Variants in PTPRD observed in about 807,000 individuals in gnomAD.
PTPRD encodes protein tyrosine phosphatase receptor type D, also known as receptor-type tyrosine-protein phosphatase delta.
In PTPRD, 34 loss-of-function variants were observed where a neutral mutation model predicts 214.5. The ratio of observed to expected loss-of-function variants is 0.16; its 90% CI spans 0.12 to 0.21. The LOEUF (loss-of-function observed/expected upper bound fraction) is 0.21, where lower values mean the gene tolerates loss of function less well. Among genes scored for constraint, PTPRD ranks in the 10% least tolerant of loss-of-function variants. The pLI, the probability that PTPRD is intolerant of heterozygous loss-of-function variation, is 1.00. For missense variants in PTPRD, 2,545 were observed against 2,398.7 expected (o/e 1.06, Z -1.27); for synonymous variants, 1,128 against 845.7 (o/e 1.33, Z -5.79).
chr9:8,899,566 T>TC (rs977999634), intron 11 of PTPRD, among the ~76,000 whole-genome samples: 1 of 151,992 alleles, frequency 6.6e-6, no homozygotes, highest in African/African-American at 2.4e-5. Context: ...CCATTTTTGC[T>TC]CCCCCCATCC....
intron 11 of PTPRD, among the ~76,000 whole-genome samples, chr9:8,777,025 G>C (rs1364392777): frequency 7.9e-6 from 1 of 126,718 alleles, no homozygotes; most frequent in African/African-American, 2.9e-5. Flanking sequence ...CTGTCACCCA[G>C]GCAGGAGTGC....
At position 8,810,552 on chromosome 9, in the gene PTPRD, A is replaced by G. The variant is rs189598574; in HGVS notation, c.-103-76606T>C. ...ACTCTTCAGCATCAGCTGAAGCCCA[A>G]TCAGTTTCTCTTGATTGGGCTTGGG... On this transcript the variant is annotated intron_variant, in intron 11 of 45. Coordinates refer to ENST00000381196, the MANE Select transcript of PTPRD (RefSeq NM_002839.4). Among the ~76,000 whole-genome samples, 1,047 of 152,254 alleles carry G rather than the reference A, an allele frequency of 6.9e-3. 7 individuals are homozygous for G. Among genetic ancestry groups the G allele is most frequent in the Admixed American group, 0.012 (181 of 15,298 alleles).
At chr9:8,473,203 C>A (rs988066891) in intron 30 of PTPRD, among the ~76,000 whole-genome samples, 3 of 152,162 alleles carry the variant, frequency 2.0e-5, no homozygotes, top group African/African-American at 7.2e-5. Context: ...GTGCCCTGAG[C>A]AACTAATCAA....
chr9:9,347,426 C>A (rs1230065138), intron 9 of PTPRD, among the ~76,000 whole-genome samples: 1 of 151,724 alleles, frequency 6.6e-6, no homozygotes, highest in Non-Finnish European at 1.5e-5. Flanking sequence ...ATAACAATTT[C>A]TGTTCCCTTC....
In PTPRD at chr9:9,470,004, T is replaced by C. The variant is rs766071782; in HGVS notation, c.-236-72522A>G. On this transcript the variant is annotated intron_variant, in intron 8 of 45. Coordinates refer to ENST00000381196, the MANE Select transcript of PTPRD (RefSeq NM_002839.4). ...ACTTCTAGTAAAAGAAAATGAATAC[T>C]GGGGTGGATGAACTCCCAGAGGACA... is the stretch of plus-strand genomic sequence containing the variant. Among the ~76,000 whole-genome samples, 66 of 152,122 alleles carry C rather than the reference T, an allele frequency of 4.3e-4. 1 individual carries two copies. Among genetic ancestry groups the C allele is most frequent in the Non-Finnish European group, 7.9e-4 (54 of 68,022 alleles).
chr9:10,016,393 A>ATAGATAGATAGGTAGG (rs56040812), intron 4 of PTPRD, among the ~76,000 whole-genome samples: 4 of 150,012 alleles, frequency 2.7e-5, no homozygotes, highest in South Asian at 2.1e-4. Context: ...AGATAGATAG[A>ATAGATAGATAGGTAGG]TAGACAGATA....
chr9:10,122,825 C>CAGCTGACTA (rs1313258634), intron 3 of PTPRD, among the ~76,000 whole-genome samples: 1 of 152,206 alleles, frequency 6.6e-6, no homozygotes, highest in Non-Finnish European at 1.5e-5. Context: ...CATCACCTGG[C>CAGCTGACTA]AGCTGACTAA....
intron 9 of PTPRD, among the ~76,000 whole-genome samples, chr9:9,258,711 A>G (rs2099978832): frequency 6.6e-6 from 1 of 151,884 alleles, no homozygotes; most frequent in South Asian, 2.1e-4. Flanking sequence ...TACTGCTTTT[A>G]GTAGAGGGTT....
At chr9:10,064,282 A>C (rs2097837448) in intron 3 of PTPRD, among the ~76,000 whole-genome samples, 1 of 151,966 alleles carries the variant, frequency 6.6e-6, no homozygotes, top group Non-Finnish European at 1.5e-5. Context: ...TTAAAACCTT[A>C]ATGTCCAACA....
intron 10 of PTPRD, among the ~76,000 whole-genome samples, chr9:9,128,659 A>G (rs771206683): frequency 2.0e-5 from 3 of 152,236 alleles, no homozygotes; most frequent in African/African-American, 7.2e-5. Flanking sequence ...GTGTTCATGT[A>G]TACAATACTT....
intron 44 of PTPRD, among the ~76,000 whole-genome samples, 197 bp downstream of exon 44, chr9:8,331,384 TG>T (rs1233455929): frequency 1.3e-5 from 2 of 148,210 alleles, no homozygotes; most frequent in East Asian, 3.9e-4. Context: ...AACATTTTTT[TG>T]GGGCTAAACA....
intron 11 of PTPRD, among the ~76,000 whole-genome samples, chr9:8,933,159 C>T (rs570050193): frequency 1.3e-5 from 2 of 151,988 alleles, no homozygotes; most frequent in African/African-American, 4.8e-5. Context: ...GGTGAGGTGA[C>T]GCCCCACCCT....
intron 2 of PTPRD, among the ~76,000 whole-genome samples, chr9:10,373,587 G>A (rs901187067): frequency 7.9e-5 from 12 of 152,084 alleles, no homozygotes; most frequent in African/African-American, 2.9e-4. Context: ...TGAAGTCAAA[G>A]GAAAATAGAA....
At chr9:8,367,920 T>C (rs10977004) in intron 39 of PTPRD, among the ~76,000 whole-genome samples, 10,201 of 152,266 alleles carry the variant, frequency 0.067, 425 homozygotes, top group Middle Eastern at 0.11. Flanking sequence ...TATCCCCACG[T>C]TACTGATCAG....
chr9:8,560,551 T>G (rs563180565), intron 14 of PTPRD, among the ~76,000 whole-genome samples: 3 of 152,256 alleles, frequency 2.0e-5, no homozygotes, highest in Admixed American at 2.0e-4. Flanking sequence ...AAAATGTATG[T>G]ATAGATGAGT....
At chr9:8,320,037 G>C (rs2130734526) in intron 44 of PTPRD, 71 bp from the exon 45 acceptor site, 5 of 1,552,856 alleles carry the variant, frequency 3.2e-6, no homozygotes, top group Non-Finnish European at 4.3e-6. Flanking sequence ...CTTGGGTGTG[G>C]ACATACTTCT....
intron 2 of PTPRD, among the ~76,000 whole-genome samples, chr9:10,605,477 A>G (rs1435847871): frequency 6.6e-6 from 1 of 151,974 alleles, no homozygotes; most frequent in East Asian, 1.9e-4. Context: ...TTGAACACAC[A>G]TAAGGAATTA....
At chr9:10,345,954 T>G (rs1245397489) in intron 2 of PTPRD, among the ~76,000 whole-genome samples, 1 of 152,216 alleles carries the variant, frequency 6.6e-6, no homozygotes, top group African/African-American at 2.4e-5. Context: ...TGATCGCCAT[T>G]CTAACTGATG....
chr9:8,827,971 C>T (rs1368837027), intron 11 of PTPRD, among the ~76,000 whole-genome samples: 2 of 152,032 alleles, frequency 1.3e-5, no homozygotes, highest in Non-Finnish European at 2.9e-5. Flanking sequence ...ATCCCCTAAA[C>T]AATAAGATAA....
Sources: gnomAD v4.1 joint callset for allele counts (sites outside exome capture counted in the v4.1 genomes callset) on GRCh38, gnomAD v4.1.1 for gene constraint, MANE v1.5 for transcripts, NCBI Gene and HGNC (gene_info 2026-07-23, HGNC 2026-07-21) for gene names.